Variants in CUL2 observed in about 807,000 individuals in gnomAD.
CUL2 encodes cullin 2.
Under a neutral mutation model 110.2 loss-of-function variants are expected in CUL2, and 22 were observed. That is an observed-to-expected ratio of 0.20 (90% confidence interval 0.14 to 0.28). CUL2 has a LOEUF of 0.28. Ranked by LOEUF, CUL2 falls within the 10% of genes least tolerant of loss-of-function variation. The pLI, the probability that CUL2 is intolerant of heterozygous loss-of-function variation, is 1.00. For missense variants in CUL2, 631 were observed against 905.5 expected (o/e 0.70, Z 3.89); for synonymous variants, 279 against 293.2 (o/e 0.95, Z 0.49).
intron 1 of CUL2, among the ~76,000 whole-genome samples, chr10:35,080,432 T>TA (rs2086916996): frequency 7.2e-6 from 1 of 139,432 alleles, no homozygotes; most frequent in Non-Finnish European, 1.5e-5. Context: ...AGAATTCCTA[T>TA]TTTTATTTAT....
chr10:35,100,591 G>A (rs770995531), intron 2 of CUL2, among the ~76,000 whole-genome samples: 3 of 151,798 alleles, frequency 2.0e-5, no homozygotes, highest in African/African-American at 4.8e-5. Context: ...GCGAAACCTC[G>A]TCTCTACTAA....
At chr10:35,014,825 C>A in intron 18 of CUL2, among the ~76,000 whole-genome samples, 1 of 151,872 alleles carries the variant, frequency 6.6e-6, no homozygotes, top group Admixed American at 6.6e-5. Context: ...ACAGCAAGAT[C>A]TCATCTCAAA....
At chr10:35,078,609 T>C (rs2086878060) in intron 1 of CUL2, among the ~76,000 whole-genome samples, 1 of 152,142 alleles carries the variant, frequency 6.6e-6, no homozygotes, top group Non-Finnish European at 1.5e-5. Flanking sequence ...CCCGACATTT[T>C]TCATATAAAG....
intron 17 of CUL2, among the ~76,000 whole-genome samples, chr10:35,021,563 TAAA>T (rs1347842404): frequency 6.6e-6 from 1 of 151,952 alleles, no homozygotes; most frequent in Non-Finnish European, 1.5e-5. Flanking sequence ...ATGTATTAAA[TAAA>T]AACCCATTTC....
chr10:35,068,393 C>G (rs1174885429), intron 2 of CUL2, among the ~76,000 whole-genome samples: 2 of 150,588 alleles, frequency 1.3e-5, no homozygotes, highest in African/African-American at 4.9e-5. Flanking sequence ...CTATGCCTAA[C>G]AAAAAAAAGA....
At chr10:35,055,118 G>A (rs1396408539) in intron 4 of CUL2, among the ~76,000 whole-genome samples, 1 of 152,158 alleles carries the variant, frequency 6.6e-6, no homozygotes, top group African/African-American at 2.4e-5. Context: ...CAGAATAACT[G>A]AGATGAATAC....
intron 10 of CUL2, among the ~76,000 whole-genome samples, chr10:35,033,533 G>A (rs552499305): frequency 4.6e-5 from 7 of 151,840 alleles, no homozygotes; most frequent in East Asian, 1.9e-4. Context: ...TCAGGAGATC[G>A]AGACCATCCT....
At chr10:35,069,813 T>C (rs931817687) in intron 2 of CUL2, among the ~76,000 whole-genome samples, 2 of 152,196 alleles carry the variant, frequency 1.3e-5, no homozygotes, top group Non-Finnish European at 2.9e-5. Flanking sequence ...TCTCTGCTCC[T>C]TGTTTTAGCT....
At chr10:35,094,407 G>T (rs1020478786), upstream of CUL2, among the ~76,000 whole-genome samples, 4 of 152,086 alleles carry the variant, frequency 2.6e-5, no homozygotes, top group Admixed American at 1.3e-4. Flanking sequence ...AGCTAATTTT[G>T]TATTTTTAGT....
At chr10:35,086,970 C>T (rs1484042056) in intron 1 of CUL2, among the ~76,000 whole-genome samples, 2 of 152,214 alleles carry the variant, frequency 1.3e-5, no homozygotes, top group Non-Finnish European at 2.9e-5. Context: ...TAAGAAACAG[C>T]TAACAATGTT....
intron 10 of CUL2, among the ~76,000 whole-genome samples, chr10:35,034,143 CAGT>C (rs1374015752): frequency 2.6e-5 from 4 of 152,166 alleles, no homozygotes; most frequent in African/African-American, 9.7e-5. Flanking sequence ...TTAACTAAGT[CAGT>C]TGGATTTGAG....
intron 1 of CUL2, among the ~76,000 whole-genome samples, chr10:35,101,713 C>T (rs2087380883): frequency 1.3e-5 from 2 of 152,202 alleles, no homozygotes; most frequent in South Asian, 4.1e-4. Context: ...TCTTTTGTAT[C>T]ATTCAATTCT....
At chr10:35,046,169 AATCTTGAT>A (rs954706920) in intron 6 of CUL2, among the ~76,000 whole-genome samples, 4 of 152,232 alleles carry the variant, frequency 2.6e-5, no homozygotes, top group Non-Finnish European at 4.4e-5. Flanking sequence ...AGTCATAGAG[AATCTTGAT>A]ATCTTGATAT....
intron 1 of CUL2, among the ~76,000 whole-genome samples, chr10:35,071,984 T>C (rs897069285): frequency 2.6e-5 from 4 of 152,108 alleles, no homozygotes; most frequent in Non-Finnish European, 5.9e-5. Flanking sequence ...AAGGCCAACT[T>C]CCATCATGGG....
chr10:35,054,985 A>G (rs2086206652), intron 4 of CUL2, among the ~76,000 whole-genome samples: 1 of 152,238 alleles, frequency 6.6e-6, no homozygotes, highest in Non-Finnish European at 1.5e-5. Flanking sequence ...AAAATGGAAC[A>G]CAGTGTTACA....
chr10:35,021,849 G>GGTGAA (rs2085203414), intron 17 of CUL2, among the ~76,000 whole-genome samples: 3 of 135,052 alleles, frequency 2.2e-5, no homozygotes, highest in Non-Finnish European at 4.8e-5. Context: ...GGTGAGGTGA[G>GGTGAA]GTGAGGTGAG....
rs1316461395 is a variant in CUL2, at chr10:35,099,305, CACTTG to C, written c.167+1534_167+1538del. Among the ~76,000 whole-genome samples, 4 of 151,054 alleles carry C rather than the reference CACTTG, an allele frequency of 2.6e-5. No individual in the cohort carries two copies. In the East Asian group the frequency reaches 7.8e-4, roughly 30 times the overall value. On this transcript the variant is annotated intron_variant, in intron 2 of 5. Coordinates refer to the CUL2 transcript ENST00000685421. ...ACTCGGGAGACTGAGGCAGGGGAAT[CACTTG>C]AACCTGGGAGGCGGAGATTGCAGTG...
At chr10:35,023,097 G>A (rs929779777) in intron 17 of CUL2, among the ~76,000 whole-genome samples, 2 of 152,290 alleles carry the variant, frequency 1.3e-5, no homozygotes, top group Admixed American at 1.3e-4. Flanking sequence ...GACAGTAGAT[G>A]TTAAATGCTC....
chr10:35,075,020 C>T (rs2086778893), intron 1 of CUL2, among the ~76,000 whole-genome samples: 1 of 152,232 alleles, frequency 6.6e-6, no homozygotes, highest in Admixed American at 6.5e-5. Context: ...ATATTATACA[C>T]ACTGCTTGTA....
Sources: allele counts gnomAD v4.1 joint callset (sites outside exome capture counted in the v4.1 genomes callset), GRCh38; gene constraint gnomAD v4.1.1; transcripts MANE v1.5; gene names NCBI Gene and HGNC (gene_info 2026-07-23, HGNC 2026-07-21).